Variants in PHF24 observed in about 807,000 individuals in gnomAD.
The protein encoded by PHF24 is PHD finger protein 24.
Under a neutral mutation model 42.6 loss-of-function variants are expected in PHF24, and 25 were observed. The observed-to-expected ratio is 0.59, with a 90% CI of 0.43 to 0.82. The LOEUF is 0.82. Ranked by LOEUF, PHF24 falls within the 40% of genes least tolerant of loss-of-function variation. The pLI is 0.00. For missense variants in PHF24, 470 were observed against 538.1 expected (o/e 0.87, Z 1.25); for synonymous variants, 185 against 204.8 (o/e 0.90, Z 0.83).
At chr9:34,715,816 C>A in the PHF24 span, among the ~76,000 whole-genome samples, 1 of 152,310 alleles carries the variant, frequency 6.6e-6, no homozygotes, top group African/African-American at 2.4e-5. Flanking sequence ...GGACAGGCAC[C>A]TGGAGTAGAC....
the PHF24 span, among the ~76,000 whole-genome samples, chr9:34,865,364 G>C: frequency 6.6e-6 from 1 of 151,870 alleles, no homozygotes; most frequent in South Asian, 2.1e-4. Flanking sequence ...AGGAGTTTGA[G>C]ACTACCCTGG....
At chr9:34,850,324 C>A in the PHF24 span, among the ~76,000 whole-genome samples, 1 of 152,100 alleles carries the variant, frequency 6.6e-6, no homozygotes, top group African/African-American at 2.4e-5. Flanking sequence ...TTTCTCTAAA[C>A]TTCCCTTCTC....
the PHF24 span, chr9:34,689,772 TC>T: frequency 1.2e-6 from 2 of 1,612,362 alleles, no homozygotes; most frequent in Non-Finnish European, 1.7e-6. This position sits in a 1 kb window ranked among gnomAD's most constrained non-coding sequence, Gnocchi z 4.1. Context: ...AGGTAATAAT[TC>T]ACAATGCTTG....
At chr9:34,889,677 A>G in the PHF24 span, 1 of 398,472 alleles carries the variant, frequency 2.5e-6, no homozygotes, top group Non-Finnish European at 4.4e-6. Flanking sequence ...TGCCCTTACC[A>G]GACCCTGCAA....
At chr9:34,820,233 A>T in the PHF24 span, among the ~76,000 whole-genome samples, 10 of 151,472 alleles carry the variant, frequency 6.6e-5, no homozygotes, top group Admixed American at 5.3e-4. Flanking sequence ...TCTTTTTTTA[A>T]AAAAACTCTT....
chr9:34,866,180 G>A, the PHF24 span, among the ~76,000 whole-genome samples: 1 of 152,080 alleles, frequency 6.6e-6, no homozygotes, highest in African/African-American at 2.4e-5. Context: ...AATACTTTAA[G>A]CATACTATTT....
the PHF24 span, among the ~76,000 whole-genome samples, chr9:34,901,991 G>T: frequency 6.6e-6 from 1 of 152,158 alleles, no homozygotes; most frequent in African/African-American, 2.4e-5. Context: ...ACAGGTACAT[G>T]GAGGTATGTT....
the PHF24 span, among the ~76,000 whole-genome samples, chr9:34,817,305 C>T: frequency 2.0e-5 from 3 of 152,104 alleles, no homozygotes; most frequent in African/African-American, 7.2e-5. Flanking sequence ...AGTGTAGTGG[C>T]ACAATCATAG....
the PHF24 span, among the ~76,000 whole-genome samples, chr9:34,877,258 G>GCAA: frequency 1.4e-5 from 2 of 142,802 alleles, no homozygotes; most frequent in African/African-American, 5.2e-5. Context: ...TCCAGCCTGA[G>GCAA]CAACAGAGCC....
chr9:34,885,198 T>C, the PHF24 span, among the ~76,000 whole-genome samples: 1 of 152,246 alleles, frequency 6.6e-6, no homozygotes, highest in Non-Finnish European at 1.5e-5. Context: ...GCCTAGACCT[T>C]GTGACTTCAT....
At chr9:34,789,231 A>G in the PHF24 span, among the ~76,000 whole-genome samples, 2 of 151,932 alleles carry the variant, frequency 1.3e-5, no homozygotes, top group African/African-American at 2.4e-5. Context: ...CTAATGCAGA[A>G]CTCTCGGGGC....
At chr9:34,689,910 C>T in the PHF24 span, 4 of 1,613,916 alleles carry the variant, frequency 2.5e-6, no homozygotes, top group Non-Finnish European at 3.4e-6. The surrounding 1 kb of genome is among the most constrained non-coding windows in gnomAD (Gnocchi z 4.1). Context: ...GGAGACAGGG[C>T]CAGGGAGGGC....
the PHF24 span, among the ~76,000 whole-genome samples, chr9:34,906,634 A>G: frequency 8.4e-6 from 1 of 118,458 alleles, no homozygotes; most frequent in African/African-American, 3.4e-5. Context: ...ATGGAATGAG[A>G]CTCCATCTCA....
chr9:34,732,354 C>T, the PHF24 span, among the ~76,000 whole-genome samples: 1 of 152,166 alleles, frequency 6.6e-6, no homozygotes, highest in East Asian at 1.9e-4. Flanking sequence ...CTGATGATCA[C>T]TGACATTGAG....
chr9:34,872,957 G>C, the PHF24 span, among the ~76,000 whole-genome samples: 1 of 150,790 alleles, frequency 6.6e-6, no homozygotes, highest in African/African-American at 2.4e-5. Flanking sequence ...CTGATGGCCA[G>C]TGATGAGCAT....
At chr9:34,708,711 C>G in the PHF24 span, among the ~76,000 whole-genome samples, 1 of 152,158 alleles carries the variant, frequency 6.6e-6, no homozygotes, top group Non-Finnish European at 1.5e-5. Context: ...GAAGGTCACC[C>G]CTGGAGTTAG....
the PHF24 span, among the ~76,000 whole-genome samples, chr9:34,694,159 C>CTTTTT: frequency 3.0e-3 from 197 of 66,188 alleles, 3 homozygotes; most frequent in Middle Eastern, 0.014. Flanking sequence ...TATCTCTATT[C>CTTTTT]TTTTTTTTTT....
At chr9:34,799,806 T>C in the PHF24 span, among the ~76,000 whole-genome samples, 2 of 152,254 alleles carry the variant, frequency 1.3e-5, no homozygotes, top group African/African-American at 2.4e-5. Flanking sequence ...ATATAGGACT[T>C]CTGTGTGGGG....
the PHF24 span, among the ~76,000 whole-genome samples, chr9:34,936,241 G>C: frequency 2.6e-5 from 4 of 152,192 alleles, no homozygotes; most frequent in East Asian, 1.9e-4. Context: ...ACTGGTTTTC[G>C]TATTTTTTTG....
Sources: allele counts gnomAD v4.1 joint callset (sites outside exome capture counted in the v4.1 genomes callset), GRCh38; gene constraint gnomAD v4.1.1; non-coding constraint Gnocchi (gnomAD v3.1); transcripts MANE v1.5; gene names NCBI Gene and HGNC (gene_info 2026-07-23, HGNC 2026-07-21).